Variants in RERE observed in about 807,000 individuals in gnomAD.
RERE encodes the protein arginine-glutamic acid dipeptide repeats protein.
A neutral mutation model predicts 146.1 loss-of-function variants in RERE; 40 were observed. That is an observed-to-expected ratio of 0.27 (90% CI 0.21 to 0.36). RERE has a LOEUF of 0.36. Among genes scored for constraint, RERE ranks in the 10% least tolerant of loss-of-function variants. The pLI is 1.00. For synonymous variants in RERE, 1,003 were observed against 866.0 expected (o/e 1.16, Z -2.78); for missense variants, 1,933 against 2,138.7 (o/e 0.90, Z 1.90).
At chr1:8,767,927 C>G (rs1034947887) in intron 1 of RERE, among the ~76,000 whole-genome samples, 3 of 152,076 alleles carry the variant, frequency 2.0e-5, no homozygotes, top group African/African-American at 7.2e-5. Context: ...GATCACACCA[C>G]TGTACTCCAG....
chr1:8,506,354 G>A (rs1393157032), intron 8 of RERE, among the ~76,000 whole-genome samples: 1 of 152,196 alleles, frequency 6.6e-6, no homozygotes, highest in Non-Finnish European at 1.5e-5. Context: ...CCAGGTCTGG[G>A]ATGAGAAGTA....
At chr1:8,359,013 G>T in intron 19 of RERE, 97 bp from the exon 20 acceptor site, 1 of 1,400,244 alleles carries the variant, frequency 7.1e-7, no homozygotes. Context: ...CTCCTGGCCT[G>T]CTCTGACAGG....
intron 11 of RERE, among the ~76,000 whole-genome samples, chr1:8,430,591 C>T (rs145187767): frequency 6.6e-6 from 1 of 152,292 alleles, no homozygotes; most frequent in Non-Finnish European, 1.5e-5. Flanking sequence ...TTTAGGACAT[C>T]ACCATCCCAA....
At position 8,731,680 on chromosome 1, in the gene RERE, G is replaced by A. The variant is rs76076978; in HGVS notation, c.-144-75239C>T. ...TTAGGGAAACCCAAAGAAACCAGGG[G>A]TGGAAAAAAACAAGAAAACTACAGG... On this transcript the variant is annotated intron_variant, in intron 1 of 22. Coordinates refer to ENST00000400908, the MANE Select transcript of RERE (RefSeq NM_001042681.2). Among the ~76,000 whole-genome samples, 1,086 of 152,144 alleles carry A rather than the reference G, an allele frequency of 7.1e-3. 13 individuals are homozygous for A. The highest frequency in any genetic ancestry group is 0.017 in the Middle Eastern group (5 of 294).
At chr1:8,504,225 G>T (rs980135786) in intron 8 of RERE, among the ~76,000 whole-genome samples, 2 of 152,138 alleles carry the variant, frequency 1.3e-5, no homozygotes, top group African/African-American at 4.8e-5. Context: ...GCTCTTCTGA[G>T]ACAAGTTTAA....
chr1:8,449,769 T>C (rs1644368486), intron 11 of RERE, among the ~76,000 whole-genome samples: 1 of 152,200 alleles, frequency 6.6e-6, no homozygotes, highest in South Asian at 2.1e-4. Context: ...TTGTGAAACA[T>C]GACCACAAAG....
At chr1:8,547,849 C>T (rs185235173) in intron 6 of RERE, among the ~76,000 whole-genome samples, 1 of 152,182 alleles carries the variant, frequency 6.6e-6, no homozygotes, top group Admixed American at 6.5e-5. Flanking sequence ...CCCAGCAATC[C>T]CACTATTATA....
At chr1:8,653,326 G>A (rs1471715882) in intron 2 of RERE, among the ~76,000 whole-genome samples, 1 of 152,102 alleles carries the variant, frequency 6.6e-6, no homozygotes, top group Non-Finnish European at 1.5e-5. Context: ...GATCCAAACT[G>A]TATTACCACA....
At position 8,360,969 on chromosome 1, in the gene RERE, C is replaced by T; in HGVS notation, c.2538G>A (p.Leu846=). 1 of 1,446,200 alleles carries T rather than the reference C, an allele frequency of 6.9e-7. No homozygotes were observed. The allele number at this position is 1,446,200 out of a possible 1,614,324, so 89.6% of individuals were successfully genotyped here. Residue 846 remains leucine (L), a synonymous_variant, in exon 18 of 23, where the codon CTG becomes CTA. Coordinates refer to ENST00000400908, the MANE Select transcript of RERE (RefSeq NM_001042681.2). ...PSAPSHAQPP[L]HGQGPPGPHS... is the part of the protein sequence containing the mutation. ...GAGGGCCGGGTGGGCCCTGACCGTG[C>T]AGTGGGGGCTGGGCATGAGAGGGTG...
At chr1:8,786,632 G>T in intron 1 of RERE, 2 of 768,990 alleles carry the variant, frequency 2.6e-6, no homozygotes, top group Non-Finnish European at 4.7e-6. Flanking sequence ...CAGACCTCTG[G>T]GCTCACACCA....
chr1:8,722,903 T>C (rs1185347679), intron 1 of RERE, among the ~76,000 whole-genome samples: 2 of 152,226 alleles, frequency 1.3e-5, no homozygotes, highest in South Asian at 2.1e-4. Flanking sequence ...GAGAGGACTA[T>C]GTAGTTAGTT....
At chr1:8,637,487 T>C (rs1011591000) in intron 2 of RERE, among the ~76,000 whole-genome samples, 5 of 152,206 alleles carry the variant, frequency 3.3e-5, no homozygotes, top group Middle Eastern at 3.2e-3. Flanking sequence ...TTCTAGAACA[T>C]TGTATTATTT....
chr1:8,749,521 A>G (rs929157185), intron 1 of RERE, among the ~76,000 whole-genome samples: 1 of 152,132 alleles, frequency 6.6e-6, no homozygotes, highest in African/African-American at 2.4e-5. Flanking sequence ...TTGAAATGCG[A>G]TCTAAATTAT....
At chr1:8,390,199 T>C (rs891412668) in intron 12 of RERE, among the ~76,000 whole-genome samples, 3 of 152,126 alleles carry the variant, frequency 2.0e-5, no homozygotes, top group African/African-American at 4.8e-5. Flanking sequence ...AGGCATCCTG[T>C]GACACATCTG....
chr1:8,737,482 C>T (rs543100548), intron 1 of RERE, among the ~76,000 whole-genome samples: 1 of 152,276 alleles, frequency 6.6e-6, no homozygotes, highest in South Asian at 2.1e-4. Flanking sequence ...TAGGAATTTC[C>T]ATTTCTTCCG....
At chr1:8,729,786 A>G (rs1640045825) in intron 1 of RERE, among the ~76,000 whole-genome samples, 1 of 152,172 alleles carries the variant, frequency 6.6e-6, no homozygotes, top group Non-Finnish European at 1.5e-5. Flanking sequence ...CCTATACTAC[A>G]TATTAAGAAA....
intron 4 of RERE, among the ~76,000 whole-genome samples, chr1:8,561,523 A>C (rs1243115277): frequency 6.6e-6 from 1 of 152,190 alleles, no homozygotes. Context: ...TGAAAAGTGA[A>C]GGGGTGGAAC....
At chr1:8,636,692 A>G (rs1647105806) in intron 2 of RERE, among the ~76,000 whole-genome samples, 1 of 152,228 alleles carries the variant, frequency 6.6e-6, no homozygotes. Context: ...AGTCCTAGCC[A>G]TAAAATATAA....
At chr1:8,464,195 T>C (rs909818023) in intron 11 of RERE, among the ~76,000 whole-genome samples, 1 of 151,994 alleles carries the variant, frequency 6.6e-6, no homozygotes, top group African/African-American at 2.4e-5. Flanking sequence ...GTAAGTCTGA[T>C]AAAGTTAAAG....
Sources: allele counts gnomAD v4.1 joint callset (sites outside exome capture counted in the v4.1 genomes callset), GRCh38; gene constraint gnomAD v4.1.1; transcripts MANE v1.5; gene names NCBI Gene and HGNC (gene_info 2026-07-23, HGNC 2026-07-21).